RIMS2: variants seen among roughly 807,000 people sequenced by gnomAD.
RIMS2 encodes the protein regulating synaptic membrane exocytosis protein 2.
RIMS2 carries 59 observed loss-of-function variants against 174.4 expected under a neutral mutation model. The observed-to-expected ratio is 0.34, with a 90% CI of 0.27 to 0.42. RIMS2 has a LOEUF of 0.42. RIMS2 is among the 10% of genes least tolerant of loss of function. The pLI is 1.00. For synonymous variants in RIMS2, 606 were observed against 572.5 expected, an observed-to-expected ratio of 1.06 and a Z score of -0.84; for missense variants, 1,620 against 1,666.3, an observed-to-expected ratio of 0.97 and a Z score of 0.48.
Position 103,783,718 on chromosome 8 carries a change from C to T in RIMS2, c.698+17181C>T, listed in dbSNP as rs866178518. ...GTCTTTGCTATTGTGAATAATGCTGCAATAAACATATGTGTGCATGTGTCT... is the reference window on the plus strand; with the variant it reads ...GTCTTTGCTATTGTGAATAATGCTGTAATAAACATATGTGTGCATGTGTCT... On this transcript the variant is annotated intron_variant, in intron 3 of 23. Coordinates refer to ENST00000504942, the Ensembl canonical transcript of RIMS2. Among the ~76,000 whole-genome samples, 57 of 151,934 alleles carry T rather than the reference C, an allele frequency of 3.8e-4. 2 individuals are homozygous for T. In the South Asian group the frequency reaches 0.011, roughly 28 times the overall value.
At chr8:104,036,384 C>T (rs1490969134) in intron 19 of RIMS2, among the ~76,000 whole-genome samples, 2 of 151,534 alleles carry the variant, frequency 1.3e-5, no homozygotes, top group Admixed American at 6.6e-5. Context: ...ATCTCCTGAC[C>T]TCGTGATCCG....
At chr8:104,106,983 T>C (rs938348797) in intron 19 of RIMS2, among the ~76,000 whole-genome samples, 19 of 151,902 alleles carry the variant, frequency 1.3e-4, no homozygotes, top group Non-Finnish European at 2.8e-4. Context: ...ATTCTGATTC[T>C]CCATACAGAA....
intron 1 of RIMS2, among the ~76,000 whole-genome samples, chr8:103,654,818 T>C (rs1311900962): frequency 6.6e-6 from 1 of 152,000 alleles, no homozygotes; most frequent in Non-Finnish European, 1.5e-5. Context: ...GGTATTCATT[T>C]TAAGTTTTAA....
chr8:104,110,269 G>A (rs1209383640), intron 19 of RIMS2, among the ~76,000 whole-genome samples: 1 of 152,040 alleles, frequency 6.6e-6, no homozygotes, highest in Non-Finnish European at 1.5e-5. Context: ...AAAGTTCAGG[G>A]TTCCTTCCAC....
intron 1 of RIMS2, among the ~76,000 whole-genome samples, chr8:103,610,639 T>G (rs1314922709): frequency 1.3e-5 from 2 of 152,220 alleles, no homozygotes; most frequent in Admixed American, 6.5e-5. Context: ...ATTGATTGAT[T>G]TGCATTTGTA....
At chr8:103,955,295 A>C (rs2086784720) in intron 14 of RIMS2, among the ~76,000 whole-genome samples, 1 of 152,102 alleles carries the variant, frequency 6.6e-6, no homozygotes, top group African/African-American at 2.4e-5. Context: ...GAGACACAAC[A>C]AAAAAAGACA....
chr8:103,588,727 C>T (rs1588399111), intron 1 of RIMS2, among the ~76,000 whole-genome samples: 1 of 151,820 alleles, frequency 6.6e-6, no homozygotes, highest in Admixed American at 6.6e-5. Flanking sequence ...TAAAACTAGA[C>T]CCCTGTGTCT....
chr8:103,650,927 A>C (rs1051376772), intron 1 of RIMS2, among the ~76,000 whole-genome samples: 1 of 152,184 alleles, frequency 6.6e-6, no homozygotes, highest in Non-Finnish European at 1.5e-5. Context: ...GGCCCACAGA[A>C]TGATGCCACT....
chr8:103,949,941 A>G (rs1173424665), intron 14 of RIMS2, among the ~76,000 whole-genome samples: 1 of 152,142 alleles, frequency 6.6e-6, no homozygotes, highest in Non-Finnish European at 1.5e-5. Flanking sequence ...GAAAAAGGTG[A>G]TATCAGTACA....
At chr8:103,595,107 A>T (rs1261580656) in intron 1 of RIMS2, among the ~76,000 whole-genome samples, 1 of 151,874 alleles carries the variant, frequency 6.6e-6, no homozygotes, top group Admixed American at 6.6e-5. Flanking sequence ...GTAAAATTAT[A>T]AAAGTCTGAT....
chr8:104,055,533 C>A (rs1053169756), intron 19 of RIMS2, among the ~76,000 whole-genome samples: 1 of 152,076 alleles, frequency 6.6e-6, no homozygotes, highest in African/African-American at 2.4e-5. Context: ...TGTACCTTTT[C>A]TTAGAAGCAA....
chr8:103,914,670 A>G (rs911414960), intron 6 of RIMS2, among the ~76,000 whole-genome samples: 23 of 152,176 alleles, frequency 1.5e-4, no homozygotes, highest in Non-Finnish European at 3.2e-4. Flanking sequence ...ATGGAATAAG[A>G]TACACCCCGT....
chr8:103,788,882 T>C lies in RIMS2; in HGVS notation c.698+22345T>C, dbSNP rs528397987. Among the ~76,000 whole-genome samples the C allele has an allele frequency of 1.8e-3, 275 of 152,286 alleles. 1 individual carries two copies. The highest frequency in any genetic ancestry group is 3.7e-3 in the Admixed American group (57 of 15,300). ...CCCCTCCCCCAGCCTCGCCGCCGCCTTGCAGTTTGATCTCAGACTGCTGTG... is the reference window on the plus strand; with the variant it reads ...CCCCTCCCCCAGCCTCGCCGCCGCCCTGCAGTTTGATCTCAGACTGCTGTG... On this transcript the variant is annotated intron_variant, in intron 3 of 23. Coordinates refer to ENST00000504942, the Ensembl canonical transcript of RIMS2.
chr8:104,110,592 T>C (rs1462908554), intron 19 of RIMS2, among the ~76,000 whole-genome samples: 1 of 152,184 alleles, frequency 6.6e-6, no homozygotes, highest in Non-Finnish European at 1.5e-5. Context: ...TTTAAAATAT[T>C]CCAGCTATGT....
At position 104,003,274 on chromosome 8, in the gene RIMS2, T is replaced by C. The variant is rs906728654; in HGVS notation, c.3045-10168T>C. Among the ~76,000 whole-genome samples the C allele has an allele frequency of 7.9e-5, 12 of 152,162 alleles. 1 individual carries two copies. The highest frequency in any genetic ancestry group is 1.5e-5 in the Non-Finnish European group (1 of 68,034). ...TTGATGTGGAGGTGAGGGAGGATAT[T>C]TGTGACATTTTAAAGAAATGTATGA... On this transcript the variant is annotated intron_variant, in intron 17 of 23. Transcript: ENST00000504942.
At chr8:103,639,980 C>A (rs185929585) in intron 1 of RIMS2, among the ~76,000 whole-genome samples, 2 of 151,820 alleles carry the variant, frequency 1.3e-5, no homozygotes, top group Non-Finnish European at 3.0e-5. Flanking sequence ...ACATGACATA[C>A]TTCCGTATTT....
At chr8:104,064,645 A>T (rs2097071227) in intron 19 of RIMS2, among the ~76,000 whole-genome samples, 1 of 152,078 alleles carries the variant, frequency 6.6e-6, no homozygotes, top group Admixed American at 6.6e-5. Flanking sequence ...CAAGATATTT[A>T]TGAAACAAAT....
At chr8:103,814,933 A>G (rs2154466152) in intron 3 of RIMS2, among the ~76,000 whole-genome samples, 1 of 152,264 alleles carries the variant, frequency 6.6e-6, no homozygotes, top group Admixed American at 6.5e-5. Context: ...ATAATCTACT[A>G]TTTTATTTAC....
chr8:104,214,432 G>C (rs1212199586), intron 19 of RIMS2, among the ~76,000 whole-genome samples: 1 of 152,062 alleles, frequency 6.6e-6, no homozygotes, highest in Non-Finnish European at 1.5e-5. Flanking sequence ...CAACAAGACA[G>C]ACAAACCCTT....
Sources: gnomAD v4.1 joint callset for allele counts (sites outside exome capture counted in the v4.1 genomes callset) on GRCh38, gnomAD v4.1.1 for gene constraint, MANE v1.5 for transcripts, NCBI Gene and HGNC (gene_info 2026-07-23, HGNC 2026-07-21) for gene names.